Variants in UMAD1 observed in about 807,000 individuals in gnomAD.
UMAD1 encodes the protein UBAP1-MVB12-associated (UMA)-domain containing protein 1.
UMAD1 carries 8 observed loss-of-function variants against 6.1 expected under a neutral mutation model. The observed-to-expected ratio is 1.30, with a 90% CI of 0.76 to 2.35. UMAD1 has a LOEUF of 2.35. UMAD1 is among the 30% of genes most tolerant of loss of function. UMAD1 has a pLI of 0.00. For synonymous variants in UMAD1, 56 were observed against 31.4 expected, an observed-to-expected ratio of 1.78 and a Z score of -2.61; for missense variants, 130 against 78.4, an observed-to-expected ratio of 1.66 and a Z score of -2.49.
intron 3 of UMAD1, among the ~76,000 whole-genome samples, chr7:7,865,896 A>G (rs1784216958): frequency 6.6e-6 from 1 of 152,164 alleles, no homozygotes; most frequent in African/African-American, 2.4e-5. Context: ...TTCCCCAACA[A>G]TTTCATCTAC....
At chr7:7,647,447 G>A (rs538229713) in intron 1 of UMAD1, among the ~76,000 whole-genome samples, 1 of 152,274 alleles carries the variant, frequency 6.6e-6, no homozygotes, top group African/African-American at 2.4e-5. Context: ...GCAAAAAAAT[G>A]TATTTTCCAG....
intron 3 of UMAD1, among the ~76,000 whole-genome samples, chr7:7,814,920 C>G (rs539122275): frequency 6.6e-6 from 1 of 152,232 alleles, no homozygotes; most frequent in South Asian, 2.1e-4. Flanking sequence ...AGGTCATCAA[C>G]CTTGCCAAGC....
intron 2 of UMAD1, among the ~76,000 whole-genome samples, chr7:7,711,228 T>C (rs1249937568): frequency 6.6e-6 from 1 of 152,202 alleles, no homozygotes; most frequent in African/African-American, 2.4e-5. Context: ...TCCATATAAT[T>C]TCTCCAATCT....
intron 2 of UMAD1, among the ~76,000 whole-genome samples, chr7:7,797,410 CCT>C (rs1355172095): frequency 2.6e-5 from 4 of 152,264 alleles, no homozygotes; most frequent in Admixed American, 2.0e-4. Context: ...GAACAATGAA[CCT>C]ATTATGGTTA....
intron 3 of UMAD1, among the ~76,000 whole-genome samples, chr7:7,817,805 G>A (rs1464692358): frequency 6.6e-6 from 1 of 152,020 alleles, no homozygotes; most frequent in Non-Finnish European, 1.5e-5. Flanking sequence ...AGATGTTTCA[G>A]TATGTTCCCC....
intron 2 of UMAD1, among the ~76,000 whole-genome samples, chr7:7,790,006 T>G (rs966293593): frequency 6.6e-6 from 1 of 152,164 alleles, no homozygotes; most frequent in Non-Finnish European, 1.5e-5. Context: ...GTTATTTATT[T>G]TTTACGTATT....
chr7:7,756,074 A>C (rs1260303383), intron 2 of UMAD1, among the ~76,000 whole-genome samples: 1 of 152,226 alleles, frequency 6.6e-6, no homozygotes, highest in African/African-American at 2.4e-5. Context: ...GGGAGACTTA[A>C]TCAGAAAGAA....
At chr7:7,747,684 A>G (rs1781598205) in intron 2 of UMAD1, among the ~76,000 whole-genome samples, 1 of 152,182 alleles carries the variant, frequency 6.6e-6, no homozygotes, top group African/African-American at 2.4e-5. Context: ...TTTCATCTCT[A>G]GCATTGAGTC....
At chr7:7,722,433 T>G (rs1781067476) in intron 2 of UMAD1, among the ~76,000 whole-genome samples, 1 of 152,100 alleles carries the variant, frequency 6.6e-6, no homozygotes. Context: ...GTTTAGACAG[T>G]TATGCAAAAT....
intron 2 of UMAD1, among the ~76,000 whole-genome samples, chr7:7,720,102 TA>T (rs918488548): frequency 1.1e-4 from 16 of 152,282 alleles, no homozygotes; most frequent in African/African-American, 3.9e-4. Context: ...CTACAGAACC[TA>T]AAATACAGTC....
At chr7:7,756,535 C>T (rs960016711) in intron 2 of UMAD1, among the ~76,000 whole-genome samples, 4 of 152,154 alleles carry the variant, frequency 2.6e-5, no homozygotes, top group African/African-American at 4.8e-5. Context: ...TTAGACCAGC[C>T]GCCCCTTTCT....
At chr7:7,839,555 G>C (rs1416008918) in intron 3 of UMAD1, among the ~76,000 whole-genome samples, 1 of 152,158 alleles carries the variant, frequency 6.6e-6, no homozygotes, top group Non-Finnish European at 1.5e-5. Context: ...CAGTAGGTTG[G>C]AGGGAGACAG....
chr7:7,757,355 A>T (rs6966374), intron 2 of UMAD1, among the ~76,000 whole-genome samples: 11,843 of 152,256 alleles, frequency 0.078, 706 homozygotes, highest in African/African-American at 0.16. Context: ...CTCTCTCAAA[A>T]GAAACATTCC....
chr7:7,850,687 G>A (rs898140092), intron 3 of UMAD1, among the ~76,000 whole-genome samples: 1 of 151,978 alleles, frequency 6.6e-6, no homozygotes, highest in African/African-American at 2.4e-5. Flanking sequence ...AAACATGAAG[G>A]TAATTTTTTA....
intron 2 of UMAD1, among the ~76,000 whole-genome samples, chr7:7,766,174 G>A (rs909508714): frequency 6.6e-6 from 1 of 152,164 alleles, no homozygotes; most frequent in African/African-American, 2.4e-5. Flanking sequence ...GTCAATAGCA[G>A]CAAAATTTAC....
intron 3 of UMAD1, among the ~76,000 whole-genome samples, chr7:7,862,482 G>A (rs997679170): frequency 2.0e-5 from 3 of 152,118 alleles, no homozygotes; most frequent in Non-Finnish European, 4.4e-5. Context: ...AATAAATAAG[G>A]CTATATAAAT....
At position 7,847,104 on chromosome 7, in the gene UMAD1, AATATATATATATATATATATATAT is replaced by A. The variant is rs1170307529; in HGVS notation, c.157-30150_157-30127del. ...CAGCAATGCAAAAAAAAAAAAAAAAAATATATATATATATATATATATATATATATATATATATATATATATATA... is the reference window on the plus strand; with the variant it reads ...CAGCAATGCAAAAAAAAAAAAAAAAAATATATATATATATATATATATATA... On this transcript the variant is annotated intron_variant, in intron 3 of 3. Transcript: ENST00000682710. Among the ~76,000 whole-genome samples, 31 of 6,618 alleles carry A rather than the reference AATATATATATATATATATATATAT, an allele frequency of 4.7e-3. 2 individuals carry two copies. The highest frequency in any genetic ancestry group is 0.012 in the East Asian group (2 of 166). The allele number at this position is 6,618 out of a possible 152,430, so 4.3% of individuals were successfully genotyped here. A position where few individuals can be genotyped will look rare whatever the true frequency, so the allele number is the denominator to read the frequency against.
At chr7:7,670,359 A>G (rs1469237821) in intron 1 of UMAD1, among the ~76,000 whole-genome samples, 1 of 152,218 alleles carries the variant, frequency 6.6e-6, no homozygotes, top group Non-Finnish European at 1.5e-5. Context: ...CTCTCTATAT[A>G]TACAAAAGTT....
chr7:7,861,234 T>C (rs978212854), intron 3 of UMAD1, among the ~76,000 whole-genome samples: 3 of 152,228 alleles, frequency 2.0e-5, no homozygotes, highest in South Asian at 2.1e-4. Context: ...ATGGTTAAGA[T>C]GGTAAATTTT....
Sources: allele counts gnomAD v4.1 joint callset (sites outside exome capture counted in the v4.1 genomes callset), GRCh38; gene constraint gnomAD v4.1.1; transcripts MANE v1.5; gene names NCBI Gene and HGNC (gene_info 2026-07-23, HGNC 2026-07-21).